Variants in AP4E1 observed in about 807,000 individuals in gnomAD.
The protein encoded by AP4E1 is adaptor related protein complex 4 subunit epsilon 1, also known as AP-4 complex subunit epsilon-1.
Under a neutral mutation model 128.2 loss-of-function variants are expected in AP4E1, and 56 were observed. That is an observed-to-expected ratio of 0.44 (90% confidence interval 0.35 to 0.55). AP4E1 has a LOEUF of 0.55. AP4E1 is among the 20% of genes least tolerant of loss of function. The pLI, the probability that AP4E1 is intolerant of heterozygous loss-of-function variation, is 0.00. For missense variants in AP4E1, 1,324 were observed against 1,307.7 expected (o/e 1.01, Z -0.19); for synonymous variants, 484 against 473.1 (o/e 1.02, Z -0.30).
rs115188375 is a variant in AP4E1 at position 50,997,734 on chromosome 15, A to G, written c.2755A>G (p.Met919Val). The change falls in exon 18 of 21, where the codon ATG (methionine) becomes GTG (valine). Residue 919 changes from methionine (M) to valine (V), a missense_variant. By Grantham distance (21) the Met-to-Val change is conservative (BLOSUM62 1). Coordinates refer to ENST00000261842, the MANE Select transcript of AP4E1 (RefSeq NM_007347.5). The part of the protein sequence containing the change: ...ETTEYIHSNA[M>V]EVCNNETISV... ...TACTGAATACATACACTCAAATGCT[A>G]TGGAAGTCTGTAATAATGAAACTAT... 8.8e-4 allele frequency: 1,417 copies of G among 1,613,886 alleles called. 13 individuals carry two copies. In the African/African-American group the frequency reaches 0.017, roughly 19 times the overall value.
intron 10 of AP4E1, among the ~76,000 whole-genome samples, chr15:50,941,990 C>T (rs2063995461): frequency 6.6e-6 from 1 of 152,134 alleles, no homozygotes; most frequent in Non-Finnish European, 1.5e-5. Context: ...GATCTCAACT[C>T]ACTGCAACTT....
chr15:50,941,277 C>CTGGG (rs778375639), intron 8 of AP4E1, among the ~76,000 whole-genome samples, 165 bp from the exon 9 acceptor site: 22 of 152,268 alleles, frequency 1.4e-4, no homozygotes, highest in Non-Finnish European at 2.8e-4. Flanking sequence ...ATCCTAGTAA[C>CTGGG]TGGGTAAGCC....
At chr15:50,930,652 A>G (rs925582141) in intron 6 of AP4E1, among the ~76,000 whole-genome samples, 153 bp from the exon 7 acceptor site, 10 of 152,172 alleles carry the variant, frequency 6.6e-5, no homozygotes, top group African/African-American at 2.2e-4. Flanking sequence ...GAATTTTATC[A>G]TGGAAGATAT....
chr15:50,947,962 C>A, intron 10 of AP4E1, 58 bp from the exon 11 acceptor site: 1 of 1,320,940 alleles, frequency 7.6e-7, no homozygotes, highest in Non-Finnish European at 1.1e-6. Context: ...TGTTACTGTA[C>A]TCATTGGTGT....
intron 19 of AP4E1, among the ~76,000 whole-genome samples, chr15:51,000,188 G>A (rs1370688853): frequency 8.2e-5 from 12 of 146,236 alleles, no homozygotes; most frequent in Admixed American, 7.6e-4. Context: ...TGTCACCCAG[G>A]CTGGAGTGCA....
chr15:50,943,500 G>A (rs895667979), intron 10 of AP4E1, among the ~76,000 whole-genome samples: 2 of 152,042 alleles, frequency 1.3e-5, no homozygotes, highest in Admixed American at 6.6e-5. Context: ...TAATTTCTGC[G>A]TGTAGACATC....
At chr15:50,977,709 T>TTTTTTTG (rs764975833) in intron 15 of AP4E1, among the ~76,000 whole-genome samples, 2,758 of 89,422 alleles carry the variant, frequency 0.031, 170 homozygotes, top group African/African-American at 0.089. Context: ...TGTTATGGTT[T>TTTTTTTG]TTTTTTTTTT....
At position 50,915,555 on chromosome 15, in the gene AP4E1, C is replaced by G; in HGVS notation, c.330C>G (p.Leu110=). 2 of 1,613,456 alleles carry G rather than the reference C, an allele frequency of 1.2e-6. No individual in the cohort carries two copies. Among genetic ancestry groups the G allele is most frequent in the East Asian group, 4.5e-5 (2 of 44,730 alleles). ...HAIKLAQQGN[L]LEKRVGYLAV... ...TCAAGTTAGCCCAACAAGGAAACCT[C>G]TTAGAAAAAAGAGTAGGTATGTATG... The change falls in exon 3 of 21, where the codon CTC becomes CTG. Residue 110 remains leucine, a synonymous_variant. Transcript: ENST00000261842.
At chr15:50,987,932 C>T (rs919029353) in intron 16 of AP4E1, among the ~76,000 whole-genome samples, 5 of 151,950 alleles carry the variant, frequency 3.3e-5, no homozygotes, top group Non-Finnish European at 5.9e-5. Flanking sequence ...AAGCTTTATA[C>T]GTAGTAATAA....
intron 13 of AP4E1, among the ~76,000 whole-genome samples, chr15:50,954,499 T>G (rs2064190524): frequency 6.6e-6 from 1 of 152,214 alleles, no homozygotes; most frequent in South Asian, 2.1e-4. Flanking sequence ...CCTTGGGACT[T>G]ATCTTTGAGT....
intron 10 of AP4E1, 42 bp from the exon 11 acceptor site, chr15:50,947,978 A>G (rs931463772): frequency 1.4e-6 from 2 of 1,452,366 alleles, no homozygotes; most frequent in Non-Finnish European, 9.5e-7. Flanking sequence ...GGTGTTATGC[A>G]TAGTTTTATA....
intron 16 of AP4E1, among the ~76,000 whole-genome samples, chr15:50,985,311 T>C (rs1188083244): frequency 6.6e-6 from 1 of 152,248 alleles, no homozygotes. Context: ...CTCTTTCGTT[T>C]AATTAGATCC....
chr15:50,954,446 C>T (rs1287188281), intron 13 of AP4E1, among the ~76,000 whole-genome samples: 1 of 152,080 alleles, frequency 6.6e-6, no homozygotes, highest in Non-Finnish European at 1.5e-5. Context: ...AATTTTCATT[C>T]AATAGTTCAG....
At chr15:50,944,562 G>A (rs181945356) in intron 10 of AP4E1, 134 of 205,002 alleles carry the variant, frequency 6.5e-4, no homozygotes, top group South Asian at 8.3e-4. Flanking sequence ...GATTTAAGTG[G>A]TGTTACACAT....
intron 5 of AP4E1, among the ~76,000 whole-genome samples, chr15:50,926,951 T>G (rs2141150704): frequency 6.6e-6 from 1 of 152,352 alleles, no homozygotes; most frequent in Non-Finnish European, 1.5e-5. Flanking sequence ...TAGCTTTTAC[T>G]AAGAATTACA....
chr15:50,968,149 A>G (rs2140893352), intron 14 of AP4E1, 114 bp from the exon 15 acceptor site: 1 of 764,246 alleles, frequency 1.3e-6, no homozygotes, highest in Non-Finnish European at 2.1e-6. Context: ...TGAAGTTTTC[A>G]TTTCTCATTT....
intron 8 of AP4E1, among the ~76,000 whole-genome samples, chr15:50,936,391 T>A (rs976984524): frequency 3.9e-5 from 6 of 152,112 alleles, no homozygotes; most frequent in Non-Finnish European, 7.4e-5. Flanking sequence ...AAGTTTTTTT[T>A]ATTTTATTTT....
intron 11 of AP4E1, among the ~76,000 whole-genome samples, chr15:50,948,972 CA>C (rs769031147): frequency 0.03 from 2,116 of 70,456 alleles, 31 homozygotes; most frequent in African/African-American, 0.091. Context: ...AACTCCGTCT[CA>C]AAAAAAAAAA....
At chr15:50,945,105 C>G in intron 10 of AP4E1, 1 of 788,808 alleles carries the variant, frequency 1.3e-6, no homozygotes, top group Non-Finnish European at 2.3e-6. Flanking sequence ...TGAGGAAGAA[C>G]CATTACATAC....
Sources: gnomAD v4.1 joint callset for allele counts (sites outside exome capture counted in the v4.1 genomes callset) on GRCh38, gnomAD v4.1.1 for gene constraint, MANE v1.5 for transcripts, NCBI Gene and HGNC (gene_info 2026-07-23, HGNC 2026-07-21) for gene names.